Variants in CNIH3 observed in about 807,000 individuals in gnomAD.
The protein encoded by CNIH3 is cornichon family AMPA receptor auxiliary protein 3.
In CNIH3, 14 loss-of-function variants were observed where a neutral mutation model predicts 24.1. That is an observed-to-expected ratio of 0.58 (90% CI 0.38 to 0.91). CNIH3 has a LOEUF of 0.91. CNIH3 is among the 40% of genes least tolerant of loss of function. CNIH3 has a pLI of 0.00. For synonymous variants in CNIH3, 68 were observed against 73.8 expected, an observed-to-expected ratio of 0.92 and a Z score of 0.40; for missense variants, 178 against 196.8, an observed-to-expected ratio of 0.90 and a Z score of 0.57.
chr1:224,479,514 TC>T (rs1463244193), intron 1 of CNIH3, among the ~76,000 whole-genome samples: 3 of 152,198 alleles, frequency 2.0e-5, no homozygotes, highest in African/African-American at 7.2e-5. Flanking sequence ...CCAAGTCTCT[TC>T]TAAGACAAGG....
chr1:224,705,548 C>G (rs1687736135), intron 3 of CNIH3, among the ~76,000 whole-genome samples: 1 of 152,236 alleles, frequency 6.6e-6, no homozygotes, highest in Non-Finnish European at 1.5e-5. Flanking sequence ...CCTGGGATCC[C>G]CTGCTCCCAT....
Position 224,678,000 on chromosome 1 carries a change from C to T in CNIH3, c.82-2958C>T, listed in dbSNP as rs116472741. Among the ~76,000 whole-genome samples, 850 of 152,296 alleles carry T rather than the reference C, an allele frequency of 5.6e-3. 13 individuals are homozygous for T. Among genetic ancestry groups the T allele is most frequent in the African/African-American group, 0.019 (800 of 41,554 alleles). ...AAAACCGATGTCAGCCTTACAGGAG[C>T]TAGGAATGGTGAGCTCAGAGCTCTG... On this transcript the variant is annotated intron_variant, in intron 1 of 5. Coordinates refer to ENST00000272133, the MANE Select transcript of CNIH3 (RefSeq NM_152495.2).
At chr1:224,542,877 T>G (rs1237044330) in intron 2 of CNIH3, among the ~76,000 whole-genome samples, 1 of 152,256 alleles carries the variant, frequency 6.6e-6, no homozygotes, top group African/African-American at 2.4e-5. Context: ...GTCTTTGTCC[T>G]AGTTCCTGGC....
chr1:224,564,652 G>A (rs1680507343), intron 3 of CNIH3, among the ~76,000 whole-genome samples: 1 of 152,248 alleles, frequency 6.6e-6, no homozygotes, highest in Non-Finnish European at 1.5e-5. Context: ...GTTTGGTGAA[G>A]TCTGGGGTTT....
intron 2 of CNIH3, among the ~76,000 whole-genome samples, chr1:224,531,276 C>G (rs1268047469): frequency 6.6e-6 from 1 of 151,332 alleles, no homozygotes; most frequent in East Asian, 1.9e-4. Context: ...GAACCCTGCC[C>G]TCATGAAGCC....
intron 4 of CNIH3, among the ~76,000 whole-genome samples, chr1:224,732,166 A>G (rs944928514): frequency 2.1e-4 from 32 of 152,218 alleles, no homozygotes; most frequent in African/African-American, 7.2e-4. Context: ...GAGGTGAGAG[A>G]GCCTTGACCC....
At chr1:224,667,158 A>T (rs577249355) in intron 1 of CNIH3, among the ~76,000 whole-genome samples, 1 of 152,346 alleles carries the variant, frequency 6.6e-6, no homozygotes, top group Admixed American at 6.5e-5. Flanking sequence ...GACCTGGCAC[A>T]GTCCCAGATA....
chr1:224,714,878 C>T (rs1160302153), intron 3 of CNIH3, among the ~76,000 whole-genome samples: 2 of 152,156 alleles, frequency 1.3e-5, no homozygotes, highest in Non-Finnish European at 2.9e-5. Flanking sequence ...CACAACTTTG[C>T]CTGTAGGTTG....
At chr1:224,705,299 C>T (rs1381328539) in intron 3 of CNIH3, among the ~76,000 whole-genome samples, 2 of 152,198 alleles carry the variant, frequency 1.3e-5, no homozygotes, top group African/African-American at 4.8e-5. Flanking sequence ...TTAGGAAGCA[C>T]TGCAATCAAA....
intron 1 of CNIH3, among the ~76,000 whole-genome samples, chr1:224,451,911 A>G (rs1333985180): frequency 1.3e-5 from 2 of 152,170 alleles, no homozygotes; most frequent in Non-Finnish European, 2.9e-5. Context: ...CTCTTCAAAG[A>G]CTTGGATCCA....
At chr1:224,668,279 TTA>T (rs1685693837) in intron 1 of CNIH3, among the ~76,000 whole-genome samples, 1 of 152,230 alleles carries the variant, frequency 6.6e-6, no homozygotes, top group Non-Finnish European at 1.5e-5. Context: ...CTGCGTTCCT[TTA>T]TACATATTCT....
intron 1 of CNIH3, among the ~76,000 whole-genome samples, chr1:224,648,202 A>C (rs1435411551): frequency 6.6e-6 from 1 of 152,170 alleles, no homozygotes; most frequent in African/African-American, 2.4e-5. Context: ...ACCTGAGGTC[A>C]GGAGTTTGAG....
At chr1:224,637,683 A>G (rs1572634745) in intron 1 of CNIH3, among the ~76,000 whole-genome samples, 1 of 152,198 alleles carries the variant, frequency 6.6e-6, no homozygotes, top group Non-Finnish European at 1.5e-5. Flanking sequence ...TGGCTGGCTT[A>G]TTACCAAGTG....
chr1:224,679,357 A>T (rs1686291580), intron 1 of CNIH3, among the ~76,000 whole-genome samples: 1 of 152,174 alleles, frequency 6.6e-6, no homozygotes, highest in Admixed American at 6.5e-5. Flanking sequence ...AAACAAAAAC[A>T]AAAACTAAAA....
exon 1 of CNIH3, chr1:224,434,681 C>T: frequency 3.4e-6 from 3 of 872,186 alleles, no homozygotes; most frequent in Non-Finnish European, 2.7e-6. Context: ...TGAGCCCCGG[C>T]AGTGGCTGCG....
rs111909530 is a variant in CNIH3 at position 224,624,237 on chromosome 1, C to T, written c.81+6982C>T. On this transcript the variant is annotated intron_variant, in intron 1 of 5. Coordinates refer to ENST00000272133, the MANE Select transcript of CNIH3 (RefSeq NM_152495.2). ...CATTTAGTGCTTATCTTGGCCTCTC[C>T]GTGGCTTTGAGACTGCTGTCCGTGT... Among the ~76,000 whole-genome samples the T allele has an allele frequency of 6.2e-3, 942 of 152,324 alleles. 14 individuals are homozygous for T. The highest frequency in any genetic ancestry group is 0.021 in the African/African-American group (877 of 41,562).
intron 3 of CNIH3, among the ~76,000 whole-genome samples, chr1:224,685,136 G>A (rs1399613923): frequency 2.6e-5 from 4 of 152,228 alleles, no homozygotes; most frequent in Admixed American, 2.6e-4. Flanking sequence ...ATGATGGATG[G>A]CATTTCCAGC....
rs556565981 is a variant in CNIH3 at position 224,703,358 on chromosome 1, C to T, written c.198+18515C>T. Among the ~76,000 whole-genome samples the T allele has an allele frequency of 6.6e-6, 1 of 152,054 alleles. No individual in the cohort carries two copies. Among genetic ancestry groups the T allele is most frequent in the Non-Finnish European group, 1.5e-5 (1 of 68,032 alleles). On this transcript the variant is annotated intron_variant, in intron 3 of 5. Coordinates refer to ENST00000272133, the MANE Select transcript of CNIH3 (RefSeq NM_152495.2). This position sits in a 1 kb window ranked among gnomAD's most constrained non-coding sequence, Gnocchi z 4.2. ...CTTAGCAGAGGGGCTCAAACTTTGC[C>T]GCACATTAGAATCACCTGGGGGAAA...
rs1289710143 is a variant in CNIH3 at position 224,681,000 on chromosome 1, A to G, written c.124A>G (p.Ile42Val). The change falls in exon 2 of 6, where the codon ATA becomes GTA. Residue 42 changes from isoleucine to valine, a missense_variant. Ile to Val is a conservative substitution (Grantham distance 29). Coordinates refer to ENST00000272133, the MANE Select transcript of CNIH3 (RefSeq NM_152495.2). ...GTTAAGGACAGATTTTAAGAGCCCC[A>G]TAGACCAGTGCAATCCTGTTCATGC... ...DELRTDFKSP[I>V]DQCNPVHARE... The G allele has an allele frequency of 5.0e-6, 8 of 1,614,162 alleles. No homozygotes were observed. The highest frequency in any genetic ancestry group is 1.3e-5 in the African/African-American group (1 of 75,058).
Sources: gnomAD v4.1 joint callset for allele counts (sites outside exome capture counted in the v4.1 genomes callset) on GRCh38, gnomAD v4.1.1 for gene constraint, Gnocchi (gnomAD v3.1) non-coding constraint, MANE v1.5 for transcripts, NCBI Gene and HGNC (gene_info 2026-07-23, HGNC 2026-07-21) for gene names.